The following CEP112 variants were observed in gnomAD, a reference collection of about 807,000 sequenced individuals.
The protein encoded by CEP112 is centrosomal protein of 112 kDa.
In CEP112, 127 loss-of-function variants were observed where a neutral mutation model predicts 153.0. The observed-to-expected ratio is 0.83, with a 90% confidence interval of 0.72 to 0.96. The LOEUF is 0.96. Among genes scored for constraint, CEP112 ranks in the 40% least tolerant of loss-of-function variants. The pLI is 0.00. For missense variants in CEP112, 1,089 were observed against 1,101.2 expected, an observed-to-expected ratio of 0.99 and a Z score of 0.16; for synonymous variants, 358 against 374.4, an observed-to-expected ratio of 0.96 and a Z score of 0.51.
chr17:66,058,206 A>C (rs2066780898), intron 11 of CEP112, among the ~76,000 whole-genome samples: 1 of 152,194 alleles, frequency 6.6e-6, no homozygotes, highest in Non-Finnish European at 1.5e-5. Flanking sequence ...GTACCCTTGT[A>C]AGTGGCAGAA....
chr17:65,678,411 T>C (rs1328137150), intron 24 of CEP112, among the ~76,000 whole-genome samples: 1 of 152,206 alleles, frequency 6.6e-6, no homozygotes, highest in East Asian at 1.9e-4. Context: ...TATTTTATTC[T>C]TTAAGAGCCT....
intron 2 of CEP112, among the ~76,000 whole-genome samples, chr17:66,177,833 C>A (rs1008485793): frequency 6.6e-6 from 1 of 152,166 alleles, no homozygotes; most frequent in East Asian, 1.9e-4. Context: ...CTGTGCCCAG[C>A]TTATTTCACT....
At chr17:66,010,751 G>A (rs970762022) in intron 16 of CEP112, among the ~76,000 whole-genome samples, 1 of 152,160 alleles carries the variant, frequency 6.6e-6, no homozygotes, top group Non-Finnish European at 1.5e-5. Flanking sequence ...TTTATGTGAT[G>A]AATTGCATTT....
chr17:66,186,185 T>A (rs1462296716), intron 1 of CEP112, among the ~76,000 whole-genome samples: 1 of 152,172 alleles, frequency 6.6e-6, no homozygotes, highest in Non-Finnish European at 1.5e-5. Flanking sequence ...AAATCCCTCA[T>A]GAGGCTCAAC....
At chr17:65,940,348 T>C (rs1045995404) in intron 18 of CEP112, among the ~76,000 whole-genome samples, 3 of 152,222 alleles carry the variant, frequency 2.0e-5, no homozygotes, top group Middle Eastern at 3.4e-3. Flanking sequence ...AAACTAAAAA[T>C]AGAACTACCA....
intron 23 of CEP112, among the ~76,000 whole-genome samples, chr17:65,741,497 C>T (rs905435657): frequency 6.7e-6 from 1 of 149,910 alleles, no homozygotes; most frequent in South Asian, 2.1e-4. Flanking sequence ...GAATTAATAA[C>T]TAAATTATTA....
intron 6 of CEP112, among the ~76,000 whole-genome samples, chr17:66,103,112 C>T (rs1235853677): frequency 6.6e-6 from 1 of 151,960 alleles, no homozygotes; most frequent in Non-Finnish European, 1.5e-5. Context: ...GTAATCCCAG[C>T]TACTCGGAAG....
chr17:65,952,371 C>T (rs1194812591), intron 18 of CEP112, among the ~76,000 whole-genome samples: 1 of 152,052 alleles, frequency 6.6e-6, no homozygotes, highest in Non-Finnish European at 1.5e-5. Context: ...ATAAAAAACA[C>T]TCAGTATATA....
At chr17:66,134,169 C>T (rs773615192) in intron 4 of CEP112, among the ~76,000 whole-genome samples, 22 of 151,982 alleles carry the variant, frequency 1.4e-4, no homozygotes, top group Admixed American at 2.6e-4. Context: ...TTGAAAAATG[C>T]TTAAATATTA....
rs146719948 is a variant in CEP112, at chr17:66,085,442, C to T, written c.768+10809G>A. On this transcript the variant is annotated intron_variant, in intron 8 of 26. Coordinates refer to ENST00000535342, the MANE Select transcript of CEP112 (RefSeq NM_001199165.4). ...CAAATGTGCCATCCTGTGACTGAGC[C>T]ATTCCATTTCACATCATTTATTCTG... Among the ~76,000 whole-genome samples the T allele has an allele frequency of 2.6e-3, 395 of 152,240 alleles. 1 individual carries two copies. Among genetic ancestry groups the T allele is most frequent in the Admixed American group, 5.7e-3 (87 of 15,294 alleles).
intron 24 of CEP112, among the ~76,000 whole-genome samples, chr17:65,686,089 A>T (rs1451008226): frequency 7.1e-6 from 1 of 141,394 alleles, no homozygotes; most frequent in African/African-American, 2.6e-5. Context: ...ATTATTTGTT[A>T]TGCAGTTTAA....
chr17:65,972,746 A>C, intron 17 of CEP112, among the ~76,000 whole-genome samples: 1 of 152,200 alleles, frequency 6.6e-6, no homozygotes, highest in Non-Finnish European at 1.5e-5. Context: ...GTATCATAAA[A>C]GAAGAGAAAA....
chr17:65,740,167 C>G (rs916663141), intron 23 of CEP112, among the ~76,000 whole-genome samples: 2 of 152,036 alleles, frequency 1.3e-5, no homozygotes, highest in Non-Finnish European at 2.9e-5. Flanking sequence ...TTTCAATATC[C>G]TTATATATGC....
At chr17:65,969,536 GTTAC>G (rs749320310) in intron 17 of CEP112, among the ~76,000 whole-genome samples, 1 of 151,960 alleles carries the variant, frequency 6.6e-6, no homozygotes, top group African/African-American at 2.4e-5. Flanking sequence ...TTGCATGTAT[GTTAC>G]TTAAATGAAT....
intron 15 of CEP112, among the ~76,000 whole-genome samples, 190 bp downstream of exon 15, chr17:66,028,123 T>C (rs1212950350): frequency 4.8e-5 from 1 of 20,644 alleles, no homozygotes; most frequent in Non-Finnish European, 1.8e-4. Context: ...TTGTACTTTA[T>C]TCTCTACATC....
intron 20 of CEP112, among the ~76,000 whole-genome samples, chr17:65,852,344 TCCTTCCCTTCCCCTCCCCTCCTC>T (rs2057979547): frequency 2.8e-5 from 2 of 71,884 alleles, no homozygotes; most frequent in Non-Finnish European, 5.3e-5. Flanking sequence ...CCTCCCTCCC[TCCTTCCCTTCCCCTCCCCTCCTC>T]CCTTCCCTTC....
intron 21 of CEP112, among the ~76,000 whole-genome samples, chr17:65,834,854 C>T (rs2057238356): frequency 6.6e-6 from 1 of 151,970 alleles, no homozygotes; most frequent in Non-Finnish European, 1.5e-5. Flanking sequence ...AGGTGTATAC[C>T]CAAAGGAATA....
intron 10 of CEP112, among the ~76,000 whole-genome samples, chr17:66,065,603 A>G (rs1321806950): frequency 2.0e-5 from 3 of 151,552 alleles, no homozygotes; most frequent in Non-Finnish European, 4.4e-5. Flanking sequence ...TCTAGCCCCA[A>G]GTCAACTATC....
At chr17:65,894,910 A>T (rs2059607147) in intron 20 of CEP112, among the ~76,000 whole-genome samples, 1 of 152,112 alleles carries the variant, frequency 6.6e-6, no homozygotes, top group Non-Finnish European at 1.5e-5. Context: ...AAAGAAAGAC[A>T]TAGTCATGGC....
Sources: gnomAD v4.1 joint callset for allele counts (sites outside exome capture counted in the v4.1 genomes callset) on GRCh38, gnomAD v4.1.1 for gene constraint, MANE v1.5 for transcripts, NCBI Gene and HGNC (gene_info 2026-07-23, HGNC 2026-07-21) for gene names.